Variants in HPSE2 observed in about 807,000 individuals in gnomAD.
HPSE2 encodes the protein heparanase 2 (inactive).
In HPSE2, 38 loss-of-function variants were observed where a neutral mutation model predicts 60.5. The observed-to-expected ratio is 0.63, with a 90% CI of 0.48 to 0.82. HPSE2 has a LOEUF of 0.82. Among genes scored for constraint, HPSE2 ranks in the 40% least tolerant of loss-of-function variants. The pLI, the probability that HPSE2 is intolerant of heterozygous loss-of-function variation, is 0.00. For synonymous variants in HPSE2, 295 were observed against 293.2 expected (o/e 1.01, Z -0.06); for missense variants, 713 against 740.4 (o/e 0.96, Z 0.43).
intron 3 of HPSE2, among the ~76,000 whole-genome samples, chr10:98,855,757 C>T (rs538735009): frequency 6.6e-6 from 1 of 152,234 alleles, no homozygotes; most frequent in East Asian, 1.9e-4. Context: ...GGCTGAACCC[C>T]TGTCCCTTGC....
chr10:98,929,468 G>A (rs1431196595), intron 3 of HPSE2, among the ~76,000 whole-genome samples: 1 of 143,748 alleles, frequency 7.0e-6, no homozygotes, highest in African/African-American at 2.8e-5. Flanking sequence ...TATTGATCCA[G>A]GTTTTTACAT....
At chr10:98,745,337 C>A (rs1366802814) in intron 3 of HPSE2, among the ~76,000 whole-genome samples, 1 of 152,180 alleles carries the variant, frequency 6.6e-6, no homozygotes, top group Non-Finnish European at 1.5e-5. Flanking sequence ...TTCTGGCTGT[C>A]ATTTACACTT....
intron 2 of HPSE2, among the ~76,000 whole-genome samples, chr10:99,178,431 A>G (rs1290075315): frequency 5.3e-5 from 8 of 152,130 alleles, no homozygotes; most frequent in Admixed American, 2.0e-4. Context: ...AAAGTGATAA[A>G]GGGGAGATCA....
the HPSE2 span, among the ~76,000 whole-genome samples, chr10:99,288,183 G>T: frequency 1.3e-5 from 2 of 152,092 alleles, no homozygotes; most frequent in African/African-American, 4.8e-5. Flanking sequence ...TAAAATCTAA[G>T]GGATAGGCTA....
chr10:98,899,836 T>A (rs1307884421), intron 3 of HPSE2, among the ~76,000 whole-genome samples: 1 of 147,776 alleles, frequency 6.8e-6, no homozygotes, highest in Non-Finnish European at 1.5e-5. Context: ...CAGGCCGGAG[T>A]GCAGTGGCGC....
chr10:99,039,867 C>T (rs1957697485), intron 3 of HPSE2, among the ~76,000 whole-genome samples: 1 of 152,128 alleles, frequency 6.6e-6, no homozygotes, highest in Non-Finnish European at 1.5e-5. Flanking sequence ...AACTGTCTCA[C>T]TTCTGACCTG....
At chr10:99,207,405 G>C (rs1268498259) in intron 2 of HPSE2, among the ~76,000 whole-genome samples, 1 of 152,164 alleles carries the variant, frequency 6.6e-6, no homozygotes, top group Non-Finnish European at 1.5e-5. Context: ...GCTAAAGGGA[G>C]TTCTGAAAGA....
At chr10:98,993,747 A>G (rs1956580271) in intron 3 of HPSE2, among the ~76,000 whole-genome samples, 5 of 152,078 alleles carry the variant, frequency 3.3e-5, no homozygotes, top group Admixed American at 3.3e-4. Context: ...TTCATGCATC[A>G]CTTCCAATCT....
intron 10 of HPSE2, among the ~76,000 whole-genome samples, chr10:98,485,610 A>T (rs1440435402): frequency 6.6e-6 from 1 of 152,220 alleles, no homozygotes; most frequent in Admixed American, 6.5e-5. Context: ...TCATTAAAGA[A>T]GAACATCGAC....
rs1037674277 is a variant in HPSE2 at position 98,457,581 on chromosome 10, G to T, written c.*1993C>A. The T allele has an allele frequency of 6.6e-6, 1 of 152,262 alleles. No individual in the cohort carries two copies. Among genetic ancestry groups the T allele is most frequent in the Non-Finnish European group, 1.5e-5 (1 of 68,066 alleles). The allele number at this position is 152,262 out of a possible 1,614,324, so 9.4% of individuals were successfully genotyped here. ...ACCTGTACCAGTATGTAGAAGAGACGTTGATATCTGCACACATTTTTAACA... is the reference window on the plus strand; with the variant it reads ...ACCTGTACCAGTATGTAGAAGAGACTTTGATATCTGCACACATTTTTAACA... On this transcript the variant is annotated 3_prime_UTR_variant, in exon 12 of 12. Coordinates refer to ENST00000370552, the MANE Select transcript of HPSE2 (RefSeq NM_021828.5).
chr10:98,989,605 C>T (rs1448939090), intron 3 of HPSE2, among the ~76,000 whole-genome samples: 1 of 151,238 alleles, frequency 6.6e-6, no homozygotes, highest in Non-Finnish European at 1.5e-5. Context: ...ATGTAACAAA[C>T]CTGCACGGTG....
chr10:99,135,779 C>A (rs750077404), intron 3 of HPSE2, among the ~76,000 whole-genome samples: 1 of 151,930 alleles, frequency 6.6e-6, no homozygotes, highest in East Asian at 1.9e-4. Flanking sequence ...AATTTAAATT[C>A]TTTTAATTTA....
At chr10:98,674,255 T>C (rs1392789420) in intron 6 of HPSE2, among the ~76,000 whole-genome samples, 1 of 152,262 alleles carries the variant, frequency 6.6e-6, no homozygotes, top group Non-Finnish European at 1.5e-5. Flanking sequence ...TCTATTTCTC[T>C]GAGGATATGC....
chr10:98,496,606 A>T (rs759386636), intron 9 of HPSE2, among the ~76,000 whole-genome samples: 7 of 152,218 alleles, frequency 4.6e-5, no homozygotes, highest in Non-Finnish European at 1.0e-4. Context: ...AAATTGACCA[A>T]AATTAACTGC....
intron 3 of HPSE2, among the ~76,000 whole-genome samples, chr10:98,861,736 G>T (rs1045517915): frequency 6.6e-6 from 1 of 152,148 alleles, no homozygotes; most frequent in Admixed American, 6.6e-5. Flanking sequence ...TGAGAGGGCA[G>T]CCATACCACA....
At chr10:99,305,971 GCGCGCGCGCACACA>G in the HPSE2 span, among the ~76,000 whole-genome samples, 2 of 41,984 alleles carry the variant, frequency 4.8e-5, no homozygotes, top group Non-Finnish European at 4.8e-5. Context: ...ACGCGCGCGC[GCGCGCGCGCACACA>G]CACACACACA....
At chr10:98,632,229 T>C (rs1426445795) in intron 7 of HPSE2, among the ~76,000 whole-genome samples, 1 of 152,174 alleles carries the variant, frequency 6.6e-6, no homozygotes, top group African/African-American at 2.4e-5. Flanking sequence ...TTGCACTCAA[T>C]AAATGGCATT....
chr10:99,184,539 A>G (rs1244577962), intron 2 of HPSE2, among the ~76,000 whole-genome samples: 1 of 42,536 alleles, frequency 2.4e-5, no homozygotes, highest in Admixed American at 2.9e-4. Context: ...AAAAAAAAAA[A>G]AAAAAAAAAA....
At chr10:98,852,619 T>C (rs976676224) in intron 3 of HPSE2, among the ~76,000 whole-genome samples, 2 of 152,212 alleles carry the variant, frequency 1.3e-5, no homozygotes, top group African/African-American at 4.8e-5. Flanking sequence ...ACTCAGTCTA[T>C]TAGTATTAGA....
Sources: gnomAD v4.1 joint callset for allele counts (sites outside exome capture counted in the v4.1 genomes callset) on GRCh38, gnomAD v4.1.1 for gene constraint, MANE v1.5 for transcripts, NCBI Gene and HGNC (gene_info 2026-07-23, HGNC 2026-07-21) for gene names.